The following CAAP1 variants were observed in gnomAD, a reference collection of about 807,000 sequenced individuals.
CAAP1 encodes the protein caspase activity and apoptosis inhibitor 1, also known as conserved anti-apoptotic protein.
In CAAP1, 20 loss-of-function variants were observed where a neutral mutation model predicts 34.0. The ratio of observed to expected loss-of-function variants is 0.59; its 90% CI spans 0.41 to 0.86. The LOEUF is 0.86. Among genes scored for constraint, CAAP1 ranks in the 40% least tolerant of loss-of-function variants. The pLI is 0.00. For missense variants in CAAP1, 538 were observed against 450.5 expected (o/e 1.19, Z -1.76); for synonymous variants, 213 against 166.7 (o/e 1.28, Z -2.14).
At chr9:26,854,461 C>T (rs1007114570) in intron 5 of CAAP1, among the ~76,000 whole-genome samples, 8 of 151,942 alleles carry the variant, frequency 5.3e-5, no homozygotes, top group Admixed American at 2.0e-4. Flanking sequence ...AGAAGCTTCA[C>T]AAATTAGGAT....
chr9:26,856,031 A>G (rs1822862004), intron 5 of CAAP1, among the ~76,000 whole-genome samples: 1 of 150,032 alleles, frequency 6.7e-6, no homozygotes, highest in African/African-American at 2.5e-5. Context: ...TGCAGCTTCG[A>G]CCTCCTTCCT....
intron 5 of CAAP1, among the ~76,000 whole-genome samples, chr9:26,851,317 T>C (rs1822746131): frequency 6.6e-6 from 1 of 152,170 alleles, no homozygotes; most frequent in Admixed American, 6.5e-5. Flanking sequence ...TAATAGGTGA[T>C]ATTAACAGAA....
rs570293285 is a variant in CAAP1 at position 26,850,303 on chromosome 9, A to G, written c.740-7656T>C. On this transcript the variant is annotated intron_variant, in intron 5 of 5. Transcript: ENST00000333916. ...AAAACTCTCTCTCTCACACACACACAAACACACAAGTACGTGGGCAGAGTG... is the reference window on the plus strand; with the variant it reads ...AAAACTCTCTCTCTCACACACACACGAACACACAAGTACGTGGGCAGAGTG... Among the ~76,000 whole-genome samples the G allele has an allele frequency of 6.1e-4, 93 of 152,306 alleles. 1 individual carries two copies. Among genetic ancestry groups the G allele is most frequent in the African/African-American group, 2.2e-3 (91 of 41,580 alleles).
intron 4 of CAAP1, among the ~76,000 whole-genome samples, chr9:26,881,435 C>T (rs909775449): frequency 2.0e-5 from 3 of 152,170 alleles, no homozygotes; most frequent in African/African-American, 7.2e-5. Context: ...ATCATGGGGG[C>T]AGTTTCTCCC....
rs567398633 is a variant in CAAP1, at chr9:26,892,337, C to T, written c.303+76G>A. 7 of 1,570,426 alleles carry T rather than the reference C, an allele frequency of 4.5e-6. No homozygotes were observed. In the African/African-American group the frequency reaches 5.4e-5, roughly 12 times the overall value. ...CGCTAGCAGTGAGCTCCAGCCTGCG[C>T]CCCATCCCTCTGGAAGCCCGACTTC... On this transcript the variant is annotated intron_variant, in intron 1 of 5. Transcript: ENST00000333916.
chr9:26,864,427 T>C (rs533122822), intron 4 of CAAP1, among the ~76,000 whole-genome samples: 22 of 152,276 alleles, frequency 1.4e-4, no homozygotes, highest in African/African-American at 5.3e-4. Context: ...CACATCTCTA[T>C]TGTGTCCCTC....
At chr9:26,878,962 C>T (rs1432780812) in intron 4 of CAAP1, among the ~76,000 whole-genome samples, 1 of 152,288 alleles carries the variant, frequency 6.6e-6, no homozygotes, top group Middle Eastern at 3.4e-3. Context: ...ATCCATCTTA[C>T]TTTGGAGAAA....
Position 26,892,559 on chromosome 9 carries a change from T to TGACGCTCCCGCAGCCCCC in CAAP1, c.139_156dup (p.Gly47_Val52dup). The TGACGCTCCCGCAGCCCCC allele has an allele frequency of 1.3e-6, 2 of 1,587,352 alleles. No homozygotes were observed. Among genetic ancestry groups the TGACGCTCCCGCAGCCCCC allele is most frequent in the Non-Finnish European group, 1.7e-6 (2 of 1,167,382 alleles). ...CTAAAATTGGCGTTCCCACAGCAGC[T>TGACGCTCCCGCAGCCCCC]GACGCTCCCGCAGCCCCCGGCGCTC... On this transcript the variant is annotated inframe_insertion, in exon 1 of 6. Coordinates refer to ENST00000333916, the MANE Select transcript of CAAP1 (RefSeq NM_024828.4).
chr9:26,846,355 G>T (rs540456516), intron 5 of CAAP1, among the ~76,000 whole-genome samples: 62 of 143,766 alleles, frequency 4.3e-4, no homozygotes, highest in African/African-American at 1.4e-3. Context: ...GGCAGAGGGT[G>T]CAGTGAGCCG....
chr9:26,855,954 T>G (rs1822860337), intron 5 of CAAP1, among the ~76,000 whole-genome samples: 1 of 152,172 alleles, frequency 6.6e-6, no homozygotes, highest in Non-Finnish European at 1.5e-5. Flanking sequence ...AATGAGTACT[T>G]AAGGACACAT....
At position 26,842,529 on chromosome 9, in the gene CAAP1, A is replaced by T; in HGVS notation, c.858T>A (p.Ser286Arg). 6.2e-7 allele frequency: 1 copy of T among 1,614,080 alleles called. No individual in the cohort carries two copies. Among genetic ancestry groups the T allele is most frequent in the Non-Finnish European group, 8.5e-7 (1 of 1,180,018 alleles). ...APEAPENTVQ[S>R]EAGQIDDLEK... ...CCAGGTCATCTATCTGACCAGCTTC[A>T]CTTTGGACTGTATTTTCTGGTGCCT... Residue 286 changes from serine (S) to arginine (R), a missense_variant, in exon 6 of 6, where the codon AGT becomes AGA. Physicochemically the swap from Ser to Arg is moderately radical, Grantham distance 110. Transcript: ENST00000333916.
At chr9:26,847,802 A>G (rs568780195) in intron 5 of CAAP1, among the ~76,000 whole-genome samples, 2 of 145,408 alleles carry the variant, frequency 1.4e-5, no homozygotes, top group South Asian at 4.3e-4. Flanking sequence ...TTTATTCCCT[A>G]TTTTGTGGTT....
At chr9:26,849,914 C>CTT (rs1164256837) in intron 5 of CAAP1, among the ~76,000 whole-genome samples, 5 of 151,722 alleles carry the variant, frequency 3.3e-5, no homozygotes, top group Admixed American at 3.3e-4. Context: ...TCTCGGCTCA[C>CTT]TGCAAGCTCC....
intron 4 of CAAP1, among the ~76,000 whole-genome samples, chr9:26,868,704 T>G (rs1035477972): frequency 6.6e-6 from 1 of 152,162 alleles, no homozygotes; most frequent in Non-Finnish European, 1.5e-5. Context: ...AATAACACCA[T>G]GAAGATACAA....
rs565864348 is a variant in CAAP1 at position 26,863,876 on chromosome 9, C to T, written c.666-2737G>A. On this transcript the variant is annotated intron_variant, in intron 4 of 5. Coordinates refer to ENST00000333916, the MANE Select transcript of CAAP1 (RefSeq NM_024828.4). Reference sequence around the variant, plus strand: ...CAGTGATCACAGCTCATTGTAGCCTCGACTTCCTGTGCTCAAGTAATCTTC... The same window carrying T: ...CAGTGATCACAGCTCATTGTAGCCTTGACTTCCTGTGCTCAAGTAATCTTC... Among the ~76,000 whole-genome samples, 16 of 151,870 alleles carry T rather than the reference C, an allele frequency of 1.1e-4. No homozygotes were observed. In the South Asian group the frequency reaches 1.5e-3, roughly 14 times the overall value.
intron 5 of CAAP1, among the ~76,000 whole-genome samples, chr9:26,853,107 A>C (rs1055919822): frequency 6.6e-6 from 1 of 152,246 alleles, no homozygotes; most frequent in Non-Finnish European, 1.5e-5. Context: ...GATAAAGAAC[A>C]GTGACATGAC....
intron 4 of CAAP1, among the ~76,000 whole-genome samples, chr9:26,867,441 C>T (rs757292626): frequency 1.3e-5 from 2 of 151,998 alleles, no homozygotes; most frequent in African/African-American, 4.8e-5. Flanking sequence ...ATCTTCCCAA[C>T]TCACCATCCC....
chr9:26,849,664 C>T (rs1373926024), intron 5 of CAAP1, among the ~76,000 whole-genome samples: 2 of 151,526 alleles, frequency 1.3e-5, no homozygotes, highest in African/African-American at 4.9e-5. Context: ...ATCATGCATA[C>T]ATCAAAACTG....
At chr9:26,877,502 A>G (rs1823471142) in intron 4 of CAAP1, among the ~76,000 whole-genome samples, 1 of 152,184 alleles carries the variant, frequency 6.6e-6, no homozygotes, top group African/African-American at 2.4e-5. Flanking sequence ...TCATCTCTAC[A>G]TTCCTGCCTA....
Sources: allele counts gnomAD v4.1 joint callset (sites outside exome capture counted in the v4.1 genomes callset), GRCh38; gene constraint gnomAD v4.1.1; transcripts MANE v1.5; gene names NCBI Gene and HGNC (gene_info 2026-07-23, HGNC 2026-07-21).